The following TUT4 variants were observed in gnomAD, a reference collection of about 807,000 sequenced individuals.
TUT4 encodes the protein terminal uridylyltransferase 4.
TUT4 carries 36 observed loss-of-function variants against 192.2 expected under a neutral mutation model. The ratio of observed to expected loss-of-function variants is 0.19; its 90% confidence interval spans 0.14 to 0.25. The LOEUF (loss-of-function observed/expected upper bound fraction) is 0.25. Ranked by LOEUF, TUT4 falls within the 10% of genes least tolerant of loss-of-function variation. The pLI is 1.00. For missense variants in TUT4, 1,493 were observed against 1,957.2 expected, an observed-to-expected ratio of 0.76 and a Z score of 4.47; for synonymous variants, 618 against 666.0, an observed-to-expected ratio of 0.93 and a Z score of 1.11.
At chr1:52,510,481 CAT>C (rs1232787714) in intron 3 of TUT4, among the ~76,000 whole-genome samples, 2 of 152,012 alleles carry the variant, frequency 1.3e-5, no homozygotes, top group South Asian at 2.1e-4. Context: ...GGGCCACAAA[CAT>C]GTAAGAAATT....
intron 20 of TUT4, among the ~76,000 whole-genome samples, chr1:52,456,505 G>T (rs1030337894): frequency 9.0e-6 from 1 of 110,782 alleles, no homozygotes; most frequent in South Asian, 2.8e-4. Flanking sequence ...AAAAAAGAAA[G>T]AAAAAGAAAA....
intron 6 of TUT4, 69 bp from the exon 7 acceptor site, chr1:52,493,731 C>T (rs1229733956): frequency 4.3e-6 from 4 of 937,786 alleles, no homozygotes; most frequent in South Asian, 1.4e-5. Context: ...TTAAGGAAAA[C>T]TCAATTTCAT....
At chr1:52,509,529 TA>T in intron 4 of TUT4, 66 bp downstream of exon 4, 1 of 937,756 alleles carries the variant, frequency 1.1e-6, no homozygotes. Flanking sequence ...GTTTCACAAA[TA>T]AAAAATATTC....
At chr1:52,457,715 G>A (rs1661382545) in intron 20 of TUT4, among the ~76,000 whole-genome samples, 1 of 152,192 alleles carries the variant, frequency 6.6e-6, no homozygotes, top group African/African-American at 2.4e-5. Context: ...AGGCGGAACA[G>A]ATGGATGATT....
At chr1:52,452,167 T>C (rs1235103548) in intron 20 of TUT4, among the ~76,000 whole-genome samples, 1 of 152,018 alleles carries the variant, frequency 6.6e-6, no homozygotes, top group Admixed American at 6.5e-5. Flanking sequence ...TAAAGAAAAC[T>C]ACAGACCAAT....
intron 9 of TUT4, 89 bp downstream of exon 9, chr1:52,488,820 A>G: frequency 7.6e-7 from 1 of 1,310,796 alleles, no homozygotes; most frequent in Non-Finnish European, 1.0e-6. Flanking sequence ...TTGATGTTAC[A>G]TGTCAGTACA....
chr1:52,479,064 A>G (rs1667823434), intron 11 of TUT4, among the ~76,000 whole-genome samples: 1 of 152,218 alleles, frequency 6.6e-6, no homozygotes, highest in African/African-American at 2.4e-5. Flanking sequence ...AGTGTTCAAT[A>G]GAGTAGTCAG....
intron 2 of TUT4, among the ~76,000 whole-genome samples, chr1:52,517,040 A>C (rs1678898557): frequency 6.6e-6 from 1 of 152,226 alleles, no homozygotes; most frequent in Non-Finnish European, 1.5e-5. Flanking sequence ...AAGCTGCTTC[A>C]AGTCTCAATA....
intron 28 of TUT4, among the ~76,000 whole-genome samples, chr1:52,428,556 G>A (rs1650809799): frequency 6.6e-6 from 1 of 151,028 alleles, no homozygotes; most frequent in Admixed American, 6.6e-5. Context: ...AACCCAGGAA[G>A]CGGAGGTTGC....
In TUT4 at chr1:52,510,382, C is replaced by T. The variant is rs1325849141; in HGVS notation, c.883-670G>A. 2.6e-5 allele frequency among the ~76,000 whole-genome samples: 4 copies of T among 151,052 alleles called. No homozygotes were observed. In the East Asian group the frequency reaches 7.7e-4, roughly 29 times the overall value. The stretch of plus-strand genomic sequence containing the variant: ...TATTTAGTCTTATTCCAATGTTGTC[C>T]CCAAAACTGATTTCAAATTTAACTT... On this transcript the variant is annotated intron_variant, in intron 3 of 29. Transcript: ENST00000257177.
chr1:52,458,530 T>G (rs764396065), intron 19 of TUT4, 81 bp from the exon 20 acceptor site: 6 of 1,066,048 alleles, frequency 5.6e-6, no homozygotes, highest in Non-Finnish European at 8.3e-6. Flanking sequence ...CCACATCATT[T>G]TTTTTAACCC....
Position 52,444,495 on chromosome 1 carries a change from G to C in TUT4, c.3822+1292C>G, listed in dbSNP as rs141018235. Among the ~76,000 whole-genome samples the C allele has an allele frequency of 3.1e-3, 467 of 152,048 alleles. 9 individuals are homozygous for C. The East Asian group carries it at 0.047, about 15-fold the overall frequency. ...AGTTCAAGGACATTCACTATGCAAT[G>C]TAAATGCACGTTTGTTGTGATGGTT... On this transcript the variant is annotated intron_variant, in intron 24 of 29. Transcript: ENST00000257177.
At chr1:52,504,609 G>A (rs1319110407) in intron 4 of TUT4, among the ~76,000 whole-genome samples, 2 of 151,958 alleles carry the variant, frequency 1.3e-5, no homozygotes, top group Non-Finnish European at 2.9e-5. Context: ...CAGTCTGGGC[G>A]ATAGAGCAAG....
At chr1:52,515,645 G>C in intron 3 of TUT4, 2 of 591,750 alleles carry the variant, frequency 3.4e-6, no homozygotes, top group Non-Finnish European at 6.0e-6. Context: ...AAAAGCAAGG[G>C]ATAGACCATA....
chr1:52,496,762 C>G (rs1366447349), intron 5 of TUT4, among the ~76,000 whole-genome samples: 4 of 152,088 alleles, frequency 2.6e-5, no homozygotes, highest in Non-Finnish European at 5.9e-5. Flanking sequence ...ATTTGACCGC[C>G]AAGAAATAGT....
intron 29 of TUT4, 72 bp downstream of exon 29, chr1:52,425,277 G>T: frequency 1.3e-6 from 2 of 1,505,386 alleles, no homozygotes; most frequent in East Asian, 2.3e-5. Flanking sequence ...CCAGATCCTG[G>T]CCTTCACTAA....
In TUT4 at chr1:52,526,097, C is replaced by G; in HGVS notation, c.184G>C (p.Asp62His). The part of the protein sequence containing the change: ...RNSSKKNKQN[D>H]ICIEKTEVKS... ...ACTTCTGTTTTTTCTATACAAATAT[C>G]ATTTTGCTTATTTTTTTTACTACTA... Residue 62 changes from aspartate to histidine, a missense_variant, in exon 2 of 30, where the codon GAT (aspartate) becomes CAT (histidine). Coordinates refer to ENST00000257177, the MANE Select transcript of TUT4 (RefSeq NM_001009881.3). The G allele has an allele frequency of 1.2e-6, 2 of 1,609,472 alleles. No individual in the cohort carries two copies. Among genetic ancestry groups the G allele is most frequent in the Non-Finnish European group, 1.7e-6 (2 of 1,178,928 alleles).
chr1:52,484,744 T>C (rs978693304), intron 9 of TUT4, among the ~76,000 whole-genome samples: 1 of 152,178 alleles, frequency 6.6e-6, no homozygotes, highest in African/African-American at 2.4e-5. Context: ...TCTATGCCAA[T>C]AGCATACTCT....
chr1:52,461,054 A>T (rs568656474), intron 19 of TUT4, 80 bp downstream of exon 19: 1 of 1,268,376 alleles, frequency 7.9e-7, no homozygotes, highest in East Asian at 2.3e-5. Context: ...CTGAGACAAA[A>T]TTTTTCACAA....
Sources: gnomAD v4.1 joint callset for allele counts (sites outside exome capture counted in the v4.1 genomes callset) on GRCh38, gnomAD v4.1.1 for gene constraint, MANE v1.5 for transcripts, NCBI Gene and HGNC (gene_info 2026-07-23, HGNC 2026-07-21) for gene names.